GSE1: variants seen among roughly 807,000 people sequenced by gnomAD.
GSE1 encodes the protein genetic suppressor element 1.
A neutral mutation model predicts 112.6 loss-of-function variants in GSE1; 32 were observed. The ratio of observed to expected loss-of-function variants is 0.28; its 90% CI spans 0.21 to 0.38. The LOEUF (loss-of-function observed/expected upper bound fraction) is 0.38, where lower values mean the gene tolerates loss of function less well. Among genes scored for constraint, GSE1 ranks in the 10% least tolerant of loss-of-function variants. The probability of loss-of-function intolerance (pLI) is 1.00; values close to 1 mark genes in which losing one functional copy is unlikely to be tolerated. For synonymous variants in GSE1, 1,115 were observed against 735.6 expected (o/e 1.52, Z -8.35); for missense variants, 2,348 against 1,699.2 (o/e 1.38, Z -6.71).
At chr16:85,463,711 T>G (rs2050044382) in intron 2 of GSE1, among the ~76,000 whole-genome samples, 1 of 152,132 alleles carries the variant, frequency 6.6e-6, no homozygotes, top group Non-Finnish European at 1.5e-5. Context: ...CATCAAGGCC[T>G]CGCATCACTG....
chr16:85,632,518 C>T (rs2151735354), intron 1 of GSE1, among the ~76,000 whole-genome samples: 1 of 152,264 alleles, frequency 6.6e-6, no homozygotes, highest in Middle Eastern at 3.4e-3. Flanking sequence ...AGCAGGTGGA[C>T]AAAGGAGGTC....
rs545894680 is a variant in GSE1 at position 85,671,313 on chromosome 16, G to A, written c.3519+215G>A. Among the ~76,000 whole-genome samples the A allele has an allele frequency of 9.9e-5, 15 of 151,272 alleles. No individual in the cohort carries two copies. In the South Asian group the frequency reaches 1.5e-3, roughly 15 times the overall value. ...AAATTAGCCGGGCGTAGTGGCGGGCGCCTGTAGTCCCAGCTACTTGGGAGG... is the reference window on the plus strand; with the variant it reads ...AAATTAGCCGGGCGTAGTGGCGGGCACCTGTAGTCCCAGCTACTTGGGAGG... On this transcript the variant is annotated intron_variant, in intron 15 of 15. Coordinates refer to ENST00000253458, the MANE Select transcript of GSE1 (RefSeq NM_014615.5).
At chr16:85,514,110 C>G (rs2051837840) in intron 2 of GSE1, among the ~76,000 whole-genome samples, 1 of 151,730 alleles carries the variant, frequency 6.6e-6, no homozygotes, top group Admixed American at 6.6e-5. Context: ...TGATCACTCT[C>G]CCTGCCTCCT....
At chr16:85,294,150 C>G (rs1000819150) in intron 1 of GSE1, among the ~76,000 whole-genome samples, 5 of 152,220 alleles carry the variant, frequency 3.3e-5, no homozygotes, top group African/African-American at 1.2e-4. Context: ...TGGCATCTCT[C>G]CAGCTGCAGA....
chr16:85,569,891 C>G (rs529199742), intron 1 of GSE1, among the ~76,000 whole-genome samples: 1 of 152,284 alleles, frequency 6.6e-6, no homozygotes, highest in Admixed American at 6.5e-5. Flanking sequence ...CCCTGGAGAC[C>G]GCCCACCTCT....
intron 1 of GSE1, among the ~76,000 whole-genome samples, chr16:85,239,437 G>A (rs557023748): frequency 2.7e-4 from 41 of 152,334 alleles, no homozygotes; most frequent in African/African-American, 9.6e-4. Context: ...GCAGGGGTGA[G>A]GAGGACCGTC....
At chr16:85,439,878 A>G (rs554585945) in intron 2 of GSE1, among the ~76,000 whole-genome samples, 8 of 152,324 alleles carry the variant, frequency 5.3e-5, no homozygotes, top group Non-Finnish European at 1.2e-4. Context: ...ATATGTGTAC[A>G]CAGGTACACA....
chr16:85,434,335 T>TC (rs879559161), intron 2 of GSE1, among the ~76,000 whole-genome samples: 5,568 of 148,900 alleles, frequency 0.037, 181 homozygotes, highest in Middle Eastern at 0.072. Context: ...ATAATAATAA[T>TC]AATAATAATA....
intron 2 of GSE1, among the ~76,000 whole-genome samples, chr16:85,377,721 T>A (rs1375274269): frequency 6.6e-6 from 1 of 151,964 alleles, no homozygotes; most frequent in Non-Finnish European, 1.5e-5. Context: ...TTCCCGGGAG[T>A]GGCCGGCACC....
At chr16:85,430,798 G>A (rs1016128132) in intron 2 of GSE1, among the ~76,000 whole-genome samples, 18 of 152,306 alleles carry the variant, frequency 1.2e-4, no homozygotes, top group Middle Eastern at 3.4e-3. Context: ...GGCCTGGAGC[G>A]GAGGTCCCCC....
chr16:85,634,878 G>A (rs1306749935), intron 2 of GSE1, among the ~76,000 whole-genome samples: 1 of 152,188 alleles, frequency 6.6e-6, no homozygotes, highest in Non-Finnish European at 1.5e-5. Context: ...GGGGCAGTGG[G>A]CGGCTGGAGC....
intron 2 of GSE1, among the ~76,000 whole-genome samples, chr16:85,401,898 T>C (rs544407731): frequency 6.6e-6 from 1 of 152,330 alleles, no homozygotes; most frequent in East Asian, 1.9e-4. Flanking sequence ...GAGCCTGTGC[T>C]GGTTACTGGG....
At chr16:85,669,722 C>T (rs1259562179) in intron 14 of GSE1, among the ~76,000 whole-genome samples, 1 of 152,134 alleles carries the variant, frequency 6.6e-6, no homozygotes, top group African/African-American at 2.4e-5. Flanking sequence ...TCTGTATTTT[C>T]TTCTGTGAGT....
chr16:85,389,936 C>G (rs1597577153), intron 2 of GSE1, among the ~76,000 whole-genome samples: 1 of 152,190 alleles, frequency 6.6e-6, no homozygotes, highest in African/African-American at 2.4e-5. Flanking sequence ...CCCGTGGAGT[C>G]AGGCTCTTCG....
At chr16:85,241,089 C>T (rs1202006946) in intron 1 of GSE1, among the ~76,000 whole-genome samples, 1 of 152,144 alleles carries the variant, frequency 6.6e-6, no homozygotes, top group Non-Finnish European at 1.5e-5. Flanking sequence ...CCCCGTGAAA[C>T]GAGCCTCCTT....
chr16:85,303,721 G>T (rs746794483), intron 1 of GSE1, among the ~76,000 whole-genome samples: 2 of 152,238 alleles, frequency 1.3e-5, no homozygotes, highest in African/African-American at 4.8e-5. Flanking sequence ...GGCACCGGCC[G>T]CCGCCTCCCG....
chr16:85,374,696 G>A (rs11865437), intron 2 of GSE1, among the ~76,000 whole-genome samples: 2,918 of 152,272 alleles, frequency 0.019, 82 homozygotes, highest in African/African-American at 0.067. Flanking sequence ...GGGGGTAGGG[G>A]GTGGATGGGC....
chr16:85,457,777 G>A (rs1445475233), intron 2 of GSE1, among the ~76,000 whole-genome samples: 1 of 152,222 alleles, frequency 6.6e-6, no homozygotes, highest in African/African-American at 2.4e-5. Context: ...GAGCCACCCT[G>A]AATGTGGGGA....
intron 2 of GSE1, among the ~76,000 whole-genome samples, chr16:85,429,678 C>A (rs894749797): frequency 2.6e-5 from 4 of 152,224 alleles, no homozygotes; most frequent in South Asian, 2.1e-4. Context: ...GGCCTCCTCC[C>A]CTGTCCTCAG....
Sources: allele counts gnomAD v4.1 joint callset (sites outside exome capture counted in the v4.1 genomes callset), GRCh38; gene constraint gnomAD v4.1.1; transcripts MANE v1.5; gene names NCBI Gene and HGNC (gene_info 2026-07-23, HGNC 2026-07-21).